Variants in ARHGAP8 observed in about 807,000 individuals in gnomAD.
ARHGAP8 encodes Rho GTPase activating protein 8.
A neutral mutation model predicts 46.1 loss-of-function variants in ARHGAP8; 62 were observed. That is an observed-to-expected ratio of 1.34 (90% CI 1.10 to 1.66). The LOEUF is 1.66. Among genes scored for constraint, ARHGAP8 ranks in the 40% most tolerant of loss-of-function variants. The probability of loss-of-function intolerance (pLI) is 0.00; values close to 1 mark genes in which losing one functional copy is unlikely to be tolerated. For missense variants in ARHGAP8, 923 were observed against 568.4 expected (o/e 1.62, Z -6.34); for synonymous variants, 375 against 243.1 (o/e 1.54, Z -5.05).
Position 44,786,607 on chromosome 22 carries a change from G to T in ARHGAP8, c.79+1G>T, listed in dbSNP as rs778056577. Reference sequence around the variant, plus strand: ...AGACATGGCATTCTGCAGGTGGCAGGTAGGGCCCCAGCTGGGCAGTCTGCA... The same window carrying T: ...AGACATGGCATTCTGCAGGTGGCAGTTAGGGCCCCAGCTGGGCAGTCTGCA... On this transcript the variant is annotated splice_donor_variant, in intron 2 of 11. Coordinates refer to ENST00000356099, the MANE Select transcript of ARHGAP8 (RefSeq NM_181335.3). LOFTEE classifies it high-confidence loss of function. 2.5e-6 allele frequency: 4 copies of T among 1,612,884 alleles called. No homozygotes were observed. Among genetic ancestry groups the T allele is most frequent in the Admixed American group, 3.3e-5 (2 of 59,962 alleles).
chr22:44,828,736 G>C (rs5766067), intron 7 of ARHGAP8, among the ~76,000 whole-genome samples: 48,035 of 151,526 alleles, frequency 0.32, 8,251 homozygotes, highest in East Asian at 0.7. Context: ...GCGTCAGCCA[G>C]CACACCTAGC....
Position 44,862,343 on chromosome 22 carries a change from G to T in ARHGAP8, c.1050G>T (p.Leu350Phe). The part of the protein sequence containing the change: ...SNLACVFGLN[L>F]IWPSQGVSSL... ...TGGCCTGTGTCTTCGGGCTGAATTT[G>T]ATCTGGCCATCCCAGGGGGTCTCCT... The change falls in exon 12 of 12, where the codon TTG (leucine) becomes TTT (phenylalanine). Residue 350 changes from leucine to phenylalanine, a missense_variant. By Grantham distance (22) the Leu-to-Phe change is conservative. Transcript: ENST00000356099. The T allele has an allele frequency of 6.2e-7, 1 of 1,614,062 alleles. No homozygotes were observed. The highest frequency in any genetic ancestry group is 8.5e-7 in the Non-Finnish European group (1 of 1,179,962).
At chr22:44,858,344 G>GGTGAATACTT (rs2070299013) in intron 10 of ARHGAP8, among the ~76,000 whole-genome samples, 1 of 149,520 alleles carries the variant, frequency 6.7e-6, no homozygotes, top group Non-Finnish European at 1.5e-5. Flanking sequence ...GCGGGAACTT[G>GGTGAATACTT]GTGAATACTT....
chr22:44,790,948 G>T (rs909351412), intron 2 of ARHGAP8, among the ~76,000 whole-genome samples: 9 of 151,952 alleles, frequency 5.9e-5, no homozygotes, highest in African/African-American at 1.9e-4. Context: ...GCCCAGGCTG[G>T]TCTCAAACTC....
intron 4 of ARHGAP8, chr22:44,809,042 G>T: frequency 4.3e-6 from 2 of 460,816 alleles, no homozygotes; most frequent in South Asian, 3.1e-5. Flanking sequence ...GGCTGGTCTC[G>T]AACTCCAAGC....
At chr22:44,827,335 G>GTTTTTTTTTT (rs1569165898) in intron 7 of ARHGAP8, among the ~76,000 whole-genome samples, 1 of 41,714 alleles carries the variant, frequency 2.4e-5, no homozygotes, top group African/African-American at 9.4e-5. Flanking sequence ...TTTGGGTGGT[G>GTTTTTTTTTT]GTTTTTTTTT....
intron 3 of ARHGAP8, among the ~76,000 whole-genome samples, chr22:44,805,361 T>C (rs1201223639): frequency 6.6e-6 from 1 of 152,186 alleles, no homozygotes; most frequent in African/African-American, 2.4e-5. Flanking sequence ...GTGATAACAG[T>C]GTTTCAGAGC....
At chr22:44,775,470 G>A (rs549200225) in intron 1 of ARHGAP8, among the ~76,000 whole-genome samples, 8 of 151,702 alleles carry the variant, frequency 5.3e-5, no homozygotes, top group South Asian at 2.1e-4. Flanking sequence ...TTTTTGAGAC[G>A]GAGTTTCGCT....
At position 44,814,715 on chromosome 22, in the gene ARHGAP8, A is replaced by G; in HGVS notation, c.343A>G (p.Ser115Gly). Residue 115 changes from serine to glycine, a missense_variant, in exon 5 of 12, where the codon AGC becomes GGC. Transcript: ENST00000356099. The part of the protein sequence containing the change: ...LKALYVVHPT[S>G]FIKVLWNILK... ...GGCCCTCTACGTGGTGCACCCCACCAGCTTCATCAAGGTCCTGTGGAACAT... is the reference window on the plus strand; with the variant it reads ...GGCCCTCTACGTGGTGCACCCCACCGGCTTCATCAAGGTCCTGTGGAACAT... The G allele has an allele frequency of 6.2e-7, 1 of 1,614,038 alleles. No homozygotes were observed. The highest frequency in any genetic ancestry group is 8.5e-7 in the Non-Finnish European group (1 of 1,179,958).
chr22:44,824,824 G>T (rs942290000), intron 6 of ARHGAP8, among the ~76,000 whole-genome samples: 1 of 151,676 alleles, frequency 6.6e-6, no homozygotes, highest in Non-Finnish European at 1.5e-5. Context: ...GTAGAGATGG[G>T]GTTTCATCAT....
intron 11 of ARHGAP8, among the ~76,000 whole-genome samples, chr22:44,861,971 C>A (rs574032775): frequency 6.6e-6 from 1 of 152,172 alleles, no homozygotes; most frequent in Non-Finnish European, 1.5e-5. Context: ...TACAGCCCAT[C>A]CCCAAGATTG....
chr22:44,785,153 AC>A (rs1338031785), intron 1 of ARHGAP8, among the ~76,000 whole-genome samples: 8 of 152,110 alleles, frequency 5.3e-5, no homozygotes, highest in African/African-American at 1.9e-4. Context: ...TGAATCTCAA[AC>A]CTGACTTTGC....
intron 10 of ARHGAP8, among the ~76,000 whole-genome samples, chr22:44,859,211 G>T (rs1443209847): frequency 6.6e-6 from 1 of 152,068 alleles, no homozygotes; most frequent in Non-Finnish European, 1.5e-5. Flanking sequence ...TGAGTCCCCA[G>T]CGCGTCTCAT....
intron 1 of ARHGAP8, among the ~76,000 whole-genome samples, chr22:44,784,359 A>G (rs1416142474): frequency 6.6e-6 from 1 of 152,162 alleles, no homozygotes; most frequent in Non-Finnish European, 1.5e-5. Flanking sequence ...AGCAGAGATC[A>G]TGCCACTGCA....
chr22:44,828,748 C>T (rs924208208), intron 7 of ARHGAP8, among the ~76,000 whole-genome samples: 10 of 151,886 alleles, frequency 6.6e-5, no homozygotes, highest in South Asian at 2.1e-4. Flanking sequence ...ACACCTAGCC[C>T]GGGCCAGGAT....
At chr22:44,798,699 C>T (rs187709718) in intron 2 of ARHGAP8, among the ~76,000 whole-genome samples, 2 of 152,258 alleles carry the variant, frequency 1.3e-5, no homozygotes, top group East Asian at 1.9e-4. Flanking sequence ...TCCATCCCTG[C>T]CTTGTCCAGG....
chr22:44,781,129 G>A (rs1926817631), intron 1 of ARHGAP8, among the ~76,000 whole-genome samples: 2 of 152,128 alleles, frequency 1.3e-5, no homozygotes, highest in Admixed American at 6.6e-5. Context: ...AACCAGAGGC[G>A]ATCTTAAGAA....
At chr22:44,822,759 G>T (rs893593113) in intron 6 of ARHGAP8, among the ~76,000 whole-genome samples, 1 of 152,196 alleles carries the variant, frequency 6.6e-6, no homozygotes, top group Non-Finnish European at 1.5e-5. Context: ...TGTTGCCTTG[G>T]TGTTTACCGT....
chr22:44,799,091 C>T (rs1928301674), intron 2 of ARHGAP8, among the ~76,000 whole-genome samples: 1 of 152,232 alleles, frequency 6.6e-6, no homozygotes, highest in Non-Finnish European at 1.5e-5. Context: ...CCCAAGGTCT[C>T]CTGGGAGATG....
Sources: allele counts gnomAD v4.1 joint callset (sites outside exome capture counted in the v4.1 genomes callset), GRCh38; gene constraint gnomAD v4.1.1; transcripts MANE v1.5; gene names NCBI Gene and HGNC (gene_info 2026-07-23, HGNC 2026-07-21).